The following TUSC3 variants were observed in gnomAD, a reference collection of about 807,000 sequenced individuals.
TUSC3 encodes the protein tumor suppressor candidate 3.
In TUSC3, 45 loss-of-function variants were observed where a neutral mutation model predicts 44.8. That is an observed-to-expected ratio of 1.00 (90% CI 0.79 to 1.29). The LOEUF is 1.29. Among genes scored for constraint, TUSC3 ranks in the 50% most tolerant of loss-of-function variants. The probability of loss-of-function intolerance (pLI) is 0.00; values close to 1 mark genes in which losing one functional copy is unlikely to be tolerated. For synonymous variants in TUSC3, 212 were observed against 152.9 expected (o/e 1.39, Z -2.85); for missense variants, 519 against 437.9 (o/e 1.19, Z -1.65).
chr8:15,603,641 A>G (rs1194632529), intron 1 of TUSC3, among the ~76,000 whole-genome samples: 1 of 151,664 alleles, frequency 6.6e-6, no homozygotes, highest in Non-Finnish European at 1.5e-5. Context: ...TTATAACAAG[A>G]ATTTAGTGAC....
rs559802440 is a variant in TUSC3 at position 15,747,412 on chromosome 8, A to T, written c.938-963A>T. On this transcript the variant is annotated intron_variant, in intron 8 of 10. Transcript: ENST00000503731. The stretch of plus-strand genomic sequence containing the variant: ...AAGATGTTTAGATATTTCTTAAGAG[A>T]TTAACACTAATTTCTACTTATATAT... Among the ~76,000 whole-genome samples, 6 of 151,906 alleles carry T rather than the reference A, an allele frequency of 3.9e-5. No individual in the cohort carries two copies. In the East Asian group the frequency reaches 1.2e-3, roughly 29 times the overall value.
chr8:15,821,178 C>T, the TUSC3 span, among the ~76,000 whole-genome samples: 1 of 152,044 alleles, frequency 6.6e-6, no homozygotes, highest in Admixed American at 6.6e-5. Context: ...TCTGGGTTGA[C>T]AGTTATTTTC....
At chr8:15,793,564 C>T in the TUSC3 span, among the ~76,000 whole-genome samples, 1 of 152,286 alleles carries the variant, frequency 6.6e-6, no homozygotes, top group Admixed American at 6.5e-5. Flanking sequence ...GCCATTCACT[C>T]TCTCTCTTGC....
intron 6 of TUSC3, among the ~76,000 whole-genome samples, chr8:15,711,488 G>GTGTA: frequency 7.8e-6 from 1 of 128,148 alleles, no homozygotes; most frequent in Non-Finnish European, 1.7e-5. Flanking sequence ...GTGTGTGTGT[G>GTGTA]TGTGTGTATT....
At chr8:15,602,638 T>C (rs540930644) in intron 1 of TUSC3, among the ~76,000 whole-genome samples, 1 of 150,192 alleles carries the variant, frequency 6.7e-6, no homozygotes, top group Non-Finnish European at 1.5e-5. Flanking sequence ...TGCTCTCTCT[T>C]TGGGGTTGTG....
At chr8:15,490,116 T>G (rs549333513) in intron 2 of TUSC3, among the ~76,000 whole-genome samples, 1 of 152,322 alleles carries the variant, frequency 6.6e-6, no homozygotes, top group South Asian at 2.1e-4. Flanking sequence ...GTTAGTTTGA[T>G]TTGGTTTTAT....
chr8:15,824,722 G>A, the TUSC3 span, among the ~76,000 whole-genome samples: 2 of 152,138 alleles, frequency 1.3e-5, no homozygotes, highest in African/African-American at 2.4e-5. Context: ...TGCACGTTGT[G>A]CACATGTACC....
intron 6 of TUSC3, among the ~76,000 whole-genome samples, chr8:15,694,462 A>G (rs997159686): frequency 4.7e-5 from 6 of 127,742 alleles, no homozygotes; most frequent in African/African-American, 1.7e-4. Flanking sequence ...AAAAAAAAAG[A>G]TTGTTGGGGA....
rs111698218 is a variant in TUSC3 at position 15,586,340 on chromosome 8, C to T, written c.139-36740C>T. On this transcript the variant is annotated intron_variant, in intron 1 of 10. Transcript: ENST00000503731. ...GTTGTAGTGGGGTGGGGAACAACAC[C>T]GTTAACTTGAAGTAAATGCATATTC... is the stretch of plus-strand genomic sequence containing the variant. Among the ~76,000 whole-genome samples the T allele has an allele frequency of 6.2e-3, 948 of 152,038 alleles. 10 individuals carry two copies. Among genetic ancestry groups the T allele is most frequent in the African/African-American group, 0.022 (905 of 41,492 alleles).
chr8:15,506,926 C>G (rs962894973), intron 2 of TUSC3, among the ~76,000 whole-genome samples: 1 of 152,182 alleles, frequency 6.6e-6, no homozygotes, highest in African/African-American at 2.4e-5. Flanking sequence ...CTGTCTTGGT[C>G]GGCTAGGCTT....
chr8:15,843,619 T>TAC, the TUSC3 span, among the ~76,000 whole-genome samples: 17,180 of 142,850 alleles, frequency 0.12, 1,596 homozygotes, highest in African/African-American at 0.27. Context: ...TATATATATA[T>TAC]ATACACGCAC....
At chr8:15,720,233 CAGAG>C (rs1206279666) in intron 6 of TUSC3, among the ~76,000 whole-genome samples, 10 of 147,320 alleles carry the variant, frequency 6.8e-5, no homozygotes, top group African/African-American at 2.3e-4. Flanking sequence ...CACACACACA[CAGAG>C]AGAACATTTC....
intron 1 of TUSC3, among the ~76,000 whole-genome samples, chr8:15,612,308 A>C (rs1048242563): frequency 5.9e-5 from 9 of 152,168 alleles, no homozygotes; most frequent in Non-Finnish European, 1.3e-4. Flanking sequence ...GCCTTGGTAC[A>C]TCTGGTCATG....
chr8:15,843,621 TACACGCACATACAC>T, the TUSC3 span, among the ~76,000 whole-genome samples: 3 of 146,724 alleles, frequency 2.0e-5, no homozygotes, highest in African/African-American at 7.9e-5. Context: ...TATATATATA[TACACGCACATACAC>T]ATATATACAT....
intron 1 of TUSC3, among the ~76,000 whole-genome samples, chr8:15,622,300 T>C (rs192681083): frequency 3.9e-5 from 6 of 152,170 alleles, no homozygotes; most frequent in East Asian, 1.9e-4. Flanking sequence ...TTCCTTCCTT[T>C]CTTTCTTTTT....
intron 2 of TUSC3, among the ~76,000 whole-genome samples, chr8:15,532,850 T>C (rs1167925117): frequency 6.6e-6 from 1 of 152,162 alleles, no homozygotes; most frequent in Non-Finnish European, 1.5e-5. Context: ...TGGAGTGCAA[T>C]GGCACGATCT....
At chr8:15,450,201 GTGTTTATC>G (rs1800175586) in intron 1 of TUSC3, among the ~76,000 whole-genome samples, 1 of 152,098 alleles carries the variant, frequency 6.6e-6, no homozygotes, top group Admixed American at 6.6e-5. Flanking sequence ...AAGTATATGT[GTGTTTATC>G]TGTTTATCAT....
rs184226158 is a variant in TUSC3 at position 15,500,897 on chromosome 8, T to C, written n.189+17414T>C. ...ACTAGCCTTGGCCTTTTTAACCTTT[T>C]TCAAGAGCAACCAAACATAATAACT... On this transcript the variant is annotated intron_variant and non_coding_transcript_variant, in intron 2 of 5. Coordinates refer to the TUSC3 transcript ENST00000503191. Among the ~76,000 whole-genome samples the C allele has an allele frequency of 2.6e-5, 4 of 152,326 alleles. No individual in the cohort carries two copies. The East Asian group carries it at 7.7e-4, about 29-fold the overall frequency.
intron 6 of TUSC3, among the ~76,000 whole-genome samples, chr8:15,702,264 G>T (rs770386246): frequency 3.7e-4 from 56 of 152,108 alleles, no homozygotes; most frequent in Non-Finnish European, 7.1e-4. Flanking sequence ...GTTTGAGTAA[G>T]AAACCCTTTT....
Sources: gnomAD v4.1 joint callset for allele counts (sites outside exome capture counted in the v4.1 genomes callset) on GRCh38, gnomAD v4.1.1 for gene constraint, MANE v1.5 for transcripts, NCBI Gene and HGNC (gene_info 2026-07-23, HGNC 2026-07-21) for gene names.